Variants in RBM4 observed in about 807,000 individuals in gnomAD.
The protein encoded by RBM4 is RNA binding motif protein 4.
In RBM4, 7 loss-of-function variants were observed where a neutral mutation model predicts 29.5. That is an observed-to-expected ratio of 0.24 (90% CI 0.14 to 0.45). The LOEUF is 0.45. Ranked by LOEUF, RBM4 falls within the 20% of genes least tolerant of loss-of-function variation. RBM4 has a pLI of 1.00. For missense variants in RBM4, 387 were observed against 502.3 expected (o/e 0.77, Z 2.19); for synonymous variants, 220 against 205.4 (o/e 1.07, Z -0.61).
intron 2 of RBM4, among the ~76,000 whole-genome samples, chr11:66,663,316 T>C (rs1389904982): frequency 6.6e-6 from 1 of 152,246 alleles, no homozygotes; most frequent in Non-Finnish European, 1.5e-5. Context: ...CCTAGCAGAA[T>C]ATTAGCACCT....
chr11:66,660,597 T>G (rs1161969971), intron 2 of RBM4, among the ~76,000 whole-genome samples: 1 of 151,328 alleles, frequency 6.6e-6, no homozygotes, highest in East Asian at 1.9e-4. Flanking sequence ...CTACCTCGGC[T>G]CCCAAAGTGC....
chr11:66,665,971 CAT>C (rs1341688226), exon 3 of RBM4: 3 of 1,513,898 alleles, frequency 2.0e-6, no homozygotes, highest in Non-Finnish European at 2.7e-6. Context: ...GCTGAGATGT[CAT>C]ATATGGCGAA....
chr11:66,643,883 TGCTGCCACA>T lies in RBM4; in HGVS notation c.852_860del (p.Thr285_Ala287del), dbSNP rs1938574494. 1.2e-6 allele frequency: 2 copies of T among 1,613,476 alleles called. No homozygotes were observed. The highest frequency in any genetic ancestry group is 1.3e-5 in the African/African-American group (1 of 74,910). On this transcript the variant is annotated inframe_deletion, in exon 3 of 4. Coordinates refer to ENST00000310092, the MANE Select transcript of RBM4 (RefSeq NM_002896.4). The surrounding 1 kb of genome is among the most constrained non-coding windows in gnomAD (Gnocchi z 6.1). ...GACACCTGTTGCCGACCTCAGGAGC[TGCTGCCACA>T]GCTGCTGCTGCAGCAGCAGCCGCTG...
chr11:66,640,494 C>T, intron 2 of RBM4: 3 of 423,558 alleles, frequency 7.1e-6, no homozygotes, highest in Non-Finnish European at 1.3e-5. Flanking sequence ...AGCACAGGAT[C>T]AGAATTCTGC....
chr11:66,644,192 C>T, intron 3 of RBM4, 52 bp downstream of exon 3: 1 of 1,552,436 alleles, frequency 6.4e-7, no homozygotes, highest in Non-Finnish European at 8.7e-7. Context: ...CTCCTGCAGC[C>T]TAAAGGGCTC....
downstream of RBM4, among the ~76,000 whole-genome samples, chr11:66,647,647 G>C (rs181285240): frequency 3.0e-4 from 45 of 152,250 alleles, no homozygotes; most frequent in African/African-American, 1.0e-3. Flanking sequence ...CCTTTGATCT[G>C]ATGGGTAGGG....
intron 2 of RBM4, among the ~76,000 whole-genome samples, chr11:66,658,386 A>G (rs1466820131): frequency 7.6e-6 from 1 of 131,052 alleles, no homozygotes; most frequent in Non-Finnish European, 1.5e-5. Context: ...ATGGGCAACT[A>G]GAATAGGCTC....
At position 66,659,960 on chromosome 11, in the gene RBM4, C is replaced by G. The variant is rs534859859; in HGVS notation, c.413-5896C>G. On this transcript the variant is annotated intron_variant, in intron 2 of 2. Transcript: ENST00000396053. ...TTCGTTACTTAGAACCTTTCAGCAA[C>G]TTCCCCTTTTATCTAAAGTAAAATG... Among the ~76,000 whole-genome samples the G allele has an allele frequency of 1.4e-4, 22 of 152,246 alleles. No homozygotes were observed. The South Asian group carries it at 4.6e-3, about 32-fold the overall frequency.
chr11:66,654,690 T>G (rs1471133095), intron 2 of RBM4, among the ~76,000 whole-genome samples: 5 of 149,508 alleles, frequency 3.3e-5, no homozygotes, highest in East Asian at 2.0e-4. Context: ...TTTTGTTTTT[T>G]TTTTTTTTTT....
At chr11:66,663,805 T>C (rs1229393401) in intron 2 of RBM4, among the ~76,000 whole-genome samples, 1 of 152,034 alleles carries the variant, frequency 6.6e-6, no homozygotes, top group Non-Finnish European at 1.5e-5. Context: ...TGATAGGTCC[T>C]TGGAGAGAAT....
In RBM4 at chr11:66,646,383, C is replaced by T; in HGVS notation, c.*365C>T. On this transcript the variant is annotated 3_prime_UTR_variant, in exon 4 of 4. Coordinates refer to ENST00000310092, the MANE Select transcript of RBM4 (RefSeq NM_002896.4). ...GACCTTGGTGAGAGTCTCACTGCTC[C>T]AGGGTCTCTTTTTGGTCCAAAGGCT... 1 of 1,156,754 alleles carries T rather than the reference C, an allele frequency of 8.6e-7. No individual in the cohort carries two copies. The highest frequency in any genetic ancestry group is 1.1e-6 in the Non-Finnish European group (1 of 935,358). 71.7% of individuals were successfully genotyped at this position (1,156,754 alleles called of 1,614,324 possible). A position where few individuals can be genotyped will look rare whatever the true frequency, so the allele number is the denominator to read the frequency against.
chr11:66,664,691 G>C (rs1939163433), intron 2 of RBM4, among the ~76,000 whole-genome samples: 1 of 152,104 alleles, frequency 6.6e-6, no homozygotes, highest in Non-Finnish European at 1.5e-5. Flanking sequence ...CTGACCTCAG[G>C]TGATCTACCC....
chr11:66,660,720 C>G (rs1434775288), intron 2 of RBM4, among the ~76,000 whole-genome samples: 2 of 151,006 alleles, frequency 1.3e-5, no homozygotes, highest in South Asian at 2.1e-4. Context: ...GTGGTGCGAT[C>G]TCAGCTCACT....
chr11:66,649,602 T>C (rs991002849), downstream of RBM4: 1 of 601,552 alleles, frequency 1.7e-6, no homozygotes, highest in Non-Finnish European at 3.0e-6. Context: ...CAATGTATTA[T>C]GAAGTTGTTT....
intron 2 of RBM4, among the ~76,000 whole-genome samples, chr11:66,662,637 G>A (rs545320740): frequency 2.0e-5 from 3 of 152,044 alleles, no homozygotes; most frequent in Non-Finnish European, 4.4e-5. Context: ...TCTTGAGCTC[G>A]GGCAATCCAC....
At chr11:66,654,078 G>A (rs1486645034) in intron 2 of RBM4, among the ~76,000 whole-genome samples, 1 of 152,104 alleles carries the variant, frequency 6.6e-6, no homozygotes, top group Non-Finnish European at 1.5e-5. Context: ...CCAGGCTAGA[G>A]TGCCATGGTG....
At chr11:66,642,370 A>C (rs992065217) in intron 2 of RBM4, among the ~76,000 whole-genome samples, 1 of 152,174 alleles carries the variant, frequency 6.6e-6, no homozygotes, top group Non-Finnish European at 1.5e-5. Context: ...ATCTCTTCTG[A>C]ATTTTGCTTA....
chr11:66,644,875 T>A lies in RBM4; in HGVS notation c.*8+735T>A, dbSNP rs576961254. The A allele has an allele frequency of 1.4e-4, 27 of 191,024 alleles. No homozygotes were observed. The South Asian group carries it at 3.4e-3, about 24-fold the overall frequency. 11.8% of individuals were successfully genotyped at this position (191,024 alleles called of 1,614,324 possible). A position where few individuals can be genotyped will look rare whatever the true frequency, so the allele number is the denominator to read the frequency against. On this transcript the variant is annotated intron_variant, in intron 3 of 3. Coordinates refer to ENST00000310092, the MANE Select transcript of RBM4 (RefSeq NM_002896.4). ...TCCCTGAATAGAGTGCCCACTCCAT[T>A]GCTATATCTTTCAGTCTGTCCTATA...
intron 2 of RBM4, among the ~76,000 whole-genome samples, chr11:66,660,414 C>T (rs1287724223): frequency 2.7e-5 from 4 of 147,536 alleles, no homozygotes; most frequent in Admixed American, 1.4e-4. Context: ...TGCAGTGGCA[C>T]GATCTTGGCT....
Sources: gnomAD v4.1 joint callset for allele counts (sites outside exome capture counted in the v4.1 genomes callset) on GRCh38, gnomAD v4.1.1 for gene constraint, Gnocchi (gnomAD v3.1) non-coding constraint, MANE v1.5 for transcripts, NCBI Gene and HGNC (gene_info 2026-07-23, HGNC 2026-07-21) for gene names.